INSL6: variants seen among roughly 807,000 people sequenced by gnomAD.
INSL6 encodes the protein insulin-like peptide INSL6.
In INSL6, 16 loss-of-function variants were observed where a neutral mutation model predicts 9.4. The observed-to-expected ratio is 1.70, with a 90% CI of 1.15 to 2.59. The LOEUF (loss-of-function observed/expected upper bound fraction) is 2.59. Among genes scored for constraint, INSL6 ranks in the 30% most tolerant of loss-of-function variants. The pLI is 0.00. For synonymous variants in INSL6, 154 were observed against 96.9 expected (o/e 1.59, Z -3.46); for missense variants, 391 against 257.3 (o/e 1.52, Z -3.56).
At chr9:5,170,095 A>T (rs1159277561) in intron 1 of INSL6, among the ~76,000 whole-genome samples, 1 of 152,142 alleles carries the variant, frequency 6.6e-6, no homozygotes, top group Non-Finnish European at 1.5e-5. Context: ...ACATCACATA[A>T]TTGGAAGTAA....
the INSL6 span, among the ~76,000 whole-genome samples, chr9:5,008,674 G>A: frequency 6.6e-6 from 1 of 152,170 alleles, no homozygotes; most frequent in South Asian, 2.1e-4. Context: ...TGTTATCTTT[G>A]GTGTTTGGAT....
downstream of INSL6, among the ~76,000 whole-genome samples, chr9:5,162,276 C>G (rs1047620783): frequency 5.3e-5 from 8 of 151,522 alleles, no homozygotes; most frequent in African/African-American, 1.7e-4. Context: ...TGTGACTATT[C>G]TATCAAAATG....
chr9:5,055,036 T>C, the INSL6 span: 1 of 505,776 alleles, frequency 2.0e-6, no homozygotes, highest in Non-Finnish European at 3.4e-6. Context: ...CAAGGTCATA[T>C]AATTCTTTGC....
the INSL6 span, chr9:5,113,884 A>G: frequency 4.7e-6 from 1 of 214,308 alleles, no homozygotes; most frequent in South Asian, 6.9e-5. Flanking sequence ...CACCGTGAAG[A>G]TCTTACAGTC....
At chr9:5,033,485 A>G in the INSL6 span, among the ~76,000 whole-genome samples, 1 of 152,220 alleles carries the variant, frequency 6.6e-6, no homozygotes, top group Non-Finnish European at 1.5e-5. Flanking sequence ...AAGGGCAGCC[A>G]GAGAGAAAGG....
the INSL6 span, among the ~76,000 whole-genome samples, chr9:5,092,793 G>T: frequency 1.1e-3 from 175 of 152,300 alleles, no homozygotes; most frequent in African/African-American, 4.1e-3. Context: ...AGCCTATCAA[G>T]CCTGCTGATA....
intron 2 of INSL6, among the ~76,000 whole-genome samples, chr9:5,140,036 A>G (rs1420934248): frequency 6.6e-6 from 1 of 152,200 alleles, no homozygotes; most frequent in Non-Finnish European, 1.5e-5. Context: ...AACCCACAAC[A>G]TTAAATAGTA....
At chr9:5,104,978 AT>A in the INSL6 span, among the ~76,000 whole-genome samples, 1 of 152,220 alleles carries the variant, frequency 6.6e-6, no homozygotes, top group Admixed American at 6.5e-5. Flanking sequence ...AACTGGAAGC[AT>A]TCCCTTTGAA....
At chr9:5,076,365 T>G in the INSL6 span, among the ~76,000 whole-genome samples, 3 of 152,176 alleles carry the variant, frequency 2.0e-5, no homozygotes, top group Non-Finnish European at 4.4e-5. Context: ...CATTGTTGTC[T>G]TATTTTAAGA....
the INSL6 span, among the ~76,000 whole-genome samples, chr9:5,042,365 C>G: frequency 2.6e-5 from 4 of 151,428 alleles, no homozygotes; most frequent in Non-Finnish European, 5.9e-5. Context: ...TCTCGATCTC[C>G]TGACCTCATG....
chr9:5,055,793 GT>G, the INSL6 span: 1 of 1,607,738 alleles, frequency 6.2e-7, no homozygotes. Context: ...AATCTGGTAA[GT>G]TTGCTTTATG....
intron 2 of INSL6, among the ~76,000 whole-genome samples, chr9:5,150,461 G>A (rs972627668): frequency 2.0e-5 from 3 of 151,948 alleles, no homozygotes; most frequent in Non-Finnish European, 2.9e-5. Flanking sequence ...TGGTCAATAC[G>A]CATATGAAAA....
At chr9:5,154,437 C>T (rs947955202) in intron 2 of INSL6, among the ~76,000 whole-genome samples, 4 of 152,030 alleles carry the variant, frequency 2.6e-5, no homozygotes, top group African/African-American at 7.2e-5. Context: ...TCTAAAACAC[C>T]AAAAGCAATG....
chr9:5,109,631 C>T, the INSL6 span: 24 of 152,266 alleles, frequency 1.6e-4, no homozygotes, highest in African/African-American at 5.3e-4. Flanking sequence ...TCACCATTAG[C>T]CTCATCCCAA....
intron 2 of INSL6, among the ~76,000 whole-genome samples, chr9:5,135,072 A>T (rs1417105276): frequency 1.3e-5 from 2 of 152,140 alleles, no homozygotes; most frequent in Non-Finnish European, 2.9e-5. Context: ...ACCAACGAAG[A>T]TCAAGAGACA....
rs543606211 is a variant in INSL6, at chr9:5,123,888, C to CT, written c.*633dup. Among the ~76,000 whole-genome samples the CT allele has an allele frequency of 7.7e-3, 1,100 of 142,092 alleles. 12 individuals carry two copies. The highest frequency in any genetic ancestry group is 0.021 in the African/African-American group (813 of 38,956). The allele number at this position is 142,092 out of a possible 152,430, so 93.2% of individuals were successfully genotyped here. ...ATATCTCACTGGGGTAATTTTTTCTCTTTTTTTTTTTTGTCATTCTGACTG... is the reference window on the plus strand; with the variant it reads ...ATATCTCACTGGGGTAATTTTTTCTCTTTTTTTTTTTTTGTCATTCTGACTG... On this transcript the variant is annotated 3_prime_UTR_variant, in exon 4 of 4. Transcript: ENST00000649639.
Position 5,164,015 on chromosome 9 carries a change from A to G in INSL6, c.540T>C (p.Leu180=). Residue 180 remains leucine (L), a synonymous_variant, in exon 2 of 2, where the codon CTT becomes CTC. Coordinates refer to ENST00000381641, the MANE Select transcript of INSL6 (RefSeq NM_007179.3). ...KRRGYSEKCC[L]TGCTKEELSI... ...TAAGTTCTTCTTTTGTACATCCTGT[A>G]AGACAACACTTTTCTGAATATCCTC... 6.2e-7 allele frequency: 1 copy of G among 1,613,586 alleles called. No homozygotes were observed. The highest frequency in any genetic ancestry group is 8.5e-7 in the Non-Finnish European group (1 of 1,179,816).
the INSL6 span, among the ~76,000 whole-genome samples, chr9:5,031,033 A>T: frequency 6.6e-6 from 1 of 152,186 alleles, no homozygotes; most frequent in Non-Finnish European, 1.5e-5. Flanking sequence ...GGTCTTAATA[A>T]GAAAAAACAG....
chr9:5,143,573 T>C (rs1824543732), intron 2 of INSL6, among the ~76,000 whole-genome samples: 1 of 152,134 alleles, frequency 6.6e-6, no homozygotes, highest in African/African-American at 2.4e-5. Flanking sequence ...TTGAATTTTC[T>C]CTCTTTGCTT....
Sources: gnomAD v4.1 joint callset for allele counts (sites outside exome capture counted in the v4.1 genomes callset) on GRCh38, gnomAD v4.1.1 for gene constraint, MANE v1.5 for transcripts, NCBI Gene and HGNC (gene_info 2026-07-23, HGNC 2026-07-21) for gene names.